Variants in SLC12A8 observed in about 807,000 individuals in gnomAD.
The protein encoded by SLC12A8 is cation-chloride cotransporter 9.
SLC12A8 carries 69 observed loss-of-function variants against 75.6 expected under a neutral mutation model. The ratio of observed to expected loss-of-function variants is 0.91; its 90% CI spans 0.75 to 1.11. SLC12A8 has a LOEUF of 1.11. Among genes scored for constraint, SLC12A8 ranks in the 50% most tolerant of loss-of-function variants. The probability of loss-of-function intolerance (pLI) is 0.00; values close to 1 mark genes in which losing one functional copy is unlikely to be tolerated. For missense variants in SLC12A8, 877 were observed against 896.7 expected (o/e 0.98, Z 0.28); for synonymous variants, 365 against 372.8 (o/e 0.98, Z 0.24).
intron 5 of SLC12A8, among the ~76,000 whole-genome samples, chr3:125,140,770 A>G (rs972947483): frequency 5.3e-5 from 8 of 150,618 alleles, no homozygotes; most frequent in African/African-American, 1.5e-4. Flanking sequence ...CCGAGGCTGG[A>G]GTGCAGTGGC....
chr3:125,143,511 A>G (rs369775062), intron 5 of SLC12A8, among the ~76,000 whole-genome samples: 1 of 152,174 alleles, frequency 6.6e-6, no homozygotes, highest in African/African-American at 2.4e-5. Context: ...GGGTGGAGAG[A>G]GGATGTGCAC....
intron 10 of SLC12A8, among the ~76,000 whole-genome samples, chr3:125,094,071 C>T (rs1190206588): frequency 2.0e-5 from 3 of 152,200 alleles, no homozygotes; most frequent in African/African-American, 2.4e-5. Context: ...TCCCAACTGT[C>T]AACTCCCTTA....
chr3:125,109,830 C>T (rs537261718), intron 9 of SLC12A8, among the ~76,000 whole-genome samples: 75 of 152,276 alleles, frequency 4.9e-4, no homozygotes, highest in South Asian at 3.1e-3. Context: ...GACCAAAACA[C>T]GCTTTCTTCT....
intron 4 of SLC12A8, among the ~76,000 whole-genome samples, chr3:125,184,250 C>G (rs571365169): frequency 6.6e-6 from 1 of 152,158 alleles, no homozygotes; most frequent in African/African-American, 2.4e-5. Flanking sequence ...GGATTACAGG[C>G]GTGAGCAACC....
Position 125,107,699 on chromosome 3 carries a change from G to T in SLC12A8, c.1487C>A (p.Ala496Asp), listed in dbSNP as rs757491130. 1 of 1,614,134 alleles carries T rather than the reference G, an allele frequency of 6.2e-7. No homozygotes were observed. Among genetic ancestry groups the T allele is most frequent in the Non-Finnish European group, 8.5e-7 (1 of 1,180,028 alleles). The change falls in exon 10 of 14, where the codon GCC (alanine) becomes GAC (aspartate). Residue 496 changes from alanine to aspartate, a missense_variant. Coordinates refer to ENST00000469902, the MANE Select transcript of SLC12A8 (RefSeq NM_024628.6). ...PESQKRKSKKATKQTLQDSFL... is the reference protein window; with the variant it reads ...PESQKRKSKKDTKQTLQDSFL... ...GCTATCTTGTAGGGTCTGCTTGGTG[G>T]CCTTCTTGCTTTTCCTCTTCTGACT...
At chr3:125,092,247 C>T (rs1486130997) in intron 10 of SLC12A8, 49 bp from the exon 11 acceptor site, 1 of 1,394,224 alleles carries the variant, frequency 7.2e-7, no homozygotes, top group East Asian at 2.3e-5. Flanking sequence ...CAACTCTCTA[C>T]TGTTTTTTAG....
At chr3:125,146,343 C>T (rs1933773656) in intron 5 of SLC12A8, among the ~76,000 whole-genome samples, 1 of 152,088 alleles carries the variant, frequency 6.6e-6, no homozygotes, top group South Asian at 2.1e-4. Flanking sequence ...GTTTTGGACG[C>T]AAATGGTTAG....
At chr3:125,160,831 A>G (rs1299361275) in intron 5 of SLC12A8, among the ~76,000 whole-genome samples, 1 of 132,412 alleles carries the variant, frequency 7.6e-6, no homozygotes, top group Non-Finnish European at 1.6e-5. Context: ...TGGGACTCGG[A>G]GGGAGCTGCA....
At chr3:125,201,702 GAAA>G (rs141256499) in intron 2 of SLC12A8, among the ~76,000 whole-genome samples, 4,937 of 95,598 alleles carry the variant, frequency 0.052, 175 homozygotes, top group African/African-American at 0.14. Flanking sequence ...AGCCATGATT[GAAA>G]AAAAAAAAAA....
chr3:125,098,738 T>TG (rs1938785053), intron 10 of SLC12A8, among the ~76,000 whole-genome samples: 1 of 152,224 alleles, frequency 6.6e-6, no homozygotes, highest in African/African-American at 2.4e-5. Flanking sequence ...GTAGCCTTCT[T>TG]GCCTAAGCTG....
intron 4 of SLC12A8, among the ~76,000 whole-genome samples, chr3:125,178,462 C>T (rs946417208): frequency 1.4e-4 from 22 of 152,050 alleles, no homozygotes; most frequent in Non-Finnish European, 2.4e-4. Context: ...GTGAGTGGCA[C>T]GTCTTTTTCA....
intron 5 of SLC12A8, among the ~76,000 whole-genome samples, chr3:125,138,061 C>T (rs1017215421): frequency 2.0e-5 from 3 of 152,260 alleles, no homozygotes; most frequent in South Asian, 2.1e-4. Flanking sequence ...TTGCAAAGAA[C>T]GCTATGGACA....
intron 10 of SLC12A8, among the ~76,000 whole-genome samples, chr3:125,103,305 G>A (rs994525301): frequency 1.3e-5 from 2 of 152,032 alleles, no homozygotes; most frequent in African/African-American, 2.4e-5. Context: ...AGGAAAACGT[G>A]AAGAGCCCAA....
At chr3:125,142,671 C>G (rs777295190) in intron 5 of SLC12A8, among the ~76,000 whole-genome samples, 1 of 152,216 alleles carries the variant, frequency 6.6e-6, no homozygotes, top group South Asian at 2.1e-4. Flanking sequence ...TTTGAGTCAG[C>G]GAGACCGGCA....
intron 2 of SLC12A8, among the ~76,000 whole-genome samples, chr3:125,201,702 GAAAAAAAAAAA>G (rs141256499): frequency 1.0e-5 from 1 of 95,572 alleles, no homozygotes; most frequent in African/African-American, 3.7e-5. Flanking sequence ...AGCCATGATT[GAAAAAAAAAAA>G]AAAAAAAAAG....
intron 5 of SLC12A8, among the ~76,000 whole-genome samples, chr3:125,165,841 G>A (rs999753089): frequency 6.6e-6 from 1 of 152,218 alleles, no homozygotes; most frequent in Admixed American, 6.5e-5. Context: ...GGCCCAGAGA[G>A]CAGCCAGAAC....
chr3:125,146,548 C>T (rs1265528555), intron 5 of SLC12A8, among the ~76,000 whole-genome samples: 1 of 152,260 alleles, frequency 6.6e-6, no homozygotes, highest in Admixed American at 6.5e-5. Context: ...AGAGATGGCA[C>T]CCTGCATCCT....
chr3:125,171,209 A>AAGGTAAAAATTAGGCC (rs1934399787), intron 5 of SLC12A8, among the ~76,000 whole-genome samples: 2 of 55,166 alleles, frequency 3.6e-5, no homozygotes, highest in East Asian at 4.2e-4. Flanking sequence ...CTCCATTGAA[A>AAGGTAAAAATTAGGCC]GATATCATCT....
At chr3:125,141,850 G>A (rs1000708062) in intron 5 of SLC12A8, among the ~76,000 whole-genome samples, 1 of 152,014 alleles carries the variant, frequency 6.6e-6, no homozygotes, top group Non-Finnish European at 1.5e-5. Flanking sequence ...CGCGGAGGAA[G>A]GGCTCCGGAC....
Sources: gnomAD v4.1 joint callset for allele counts (sites outside exome capture counted in the v4.1 genomes callset) on GRCh38, gnomAD v4.1.1 for gene constraint, MANE v1.5 for transcripts, NCBI Gene and HGNC (gene_info 2026-07-23, HGNC 2026-07-21) for gene names.